Variants in COG3 observed in about 807,000 individuals in gnomAD.
The protein encoded by COG3 is component of oligomeric golgi complex 3.
Under a neutral mutation model 114.1 loss-of-function variants are expected in COG3, and 32 were observed. That is an observed-to-expected ratio of 0.28 (90% CI 0.21 to 0.38). The LOEUF is 0.38. COG3 is among the 10% of genes least tolerant of loss of function. COG3 has a pLI of 1.00. For synonymous variants in COG3, 352 were observed against 365.7 expected, an observed-to-expected ratio of 0.96 and a Z score of 0.43; for missense variants, 813 against 973.2, an observed-to-expected ratio of 0.84 and a Z score of 2.19.
chr13:45,509,124 C>A (rs1218303218), intron 14 of COG3, among the ~76,000 whole-genome samples: 2 of 151,724 alleles, frequency 1.3e-5, no homozygotes, highest in Non-Finnish European at 2.9e-5. Flanking sequence ...ACTGTAACCT[C>A]CGGCTCCCAG....
chr13:45,464,991 G>T lies in COG3; in HGVS notation c.-46G>T, dbSNP rs1885036950. 6.5e-7 allele frequency: 1 copy of T among 1,535,302 alleles called. No homozygotes were observed. The highest frequency in any genetic ancestry group is 1.4e-5 in the African/African-American group (1 of 72,780). The stretch of plus-strand genomic sequence containing the variant: ...GAAGTGGCCCAGGTCTCTCTGTCGG[G>T]GTCCCCTCCATCTCGCTGCTGCTGA... On this transcript the variant is annotated 5_prime_UTR_variant, in exon 1 of 23. Coordinates refer to ENST00000349995, the MANE Select transcript of COG3 (RefSeq NM_031431.4).
intron 1 of COG3, among the ~76,000 whole-genome samples, chr13:45,472,272 G>C (rs1885565730): frequency 1.3e-5 from 2 of 152,038 alleles, no homozygotes; most frequent in South Asian, 4.1e-4. Context: ...GTTTTTGAAA[G>C]TTTGAATATG....
Position 45,534,753 on chromosome 13 carries a change from C to A in COG3, c.*22C>A. ...ATAAGCAGGCCAGCCGGGCTGTGCA[C>A]CTAAATGTCTGTCTGGGAGGAGCAG... On this transcript the variant is annotated 3_prime_UTR_variant, in exon 23 of 23. Transcript: ENST00000349995. The A allele has an allele frequency of 6.4e-7, 1 of 1,551,826 alleles. No individual in the cohort carries two copies. Among genetic ancestry groups the A allele is most frequent in the Non-Finnish European group, 8.7e-7 (1 of 1,147,920 alleles).
chr13:45,532,549 A>T (rs1593760910), intron 22 of COG3, among the ~76,000 whole-genome samples: 2 of 116,318 alleles, frequency 1.7e-5, no homozygotes, highest in Admixed American at 8.2e-5. Context: ...TTATTGGGTT[A>T]TCCTTCCATT....
chr13:45,518,240 A>G (rs574802427), intron 17 of COG3, among the ~76,000 whole-genome samples: 6 of 152,322 alleles, frequency 3.9e-5, no homozygotes, highest in Admixed American at 3.9e-4. Flanking sequence ...CAAGACTAAC[A>G]TTATATTGTA....
intron 19 of COG3, among the ~76,000 whole-genome samples, chr13:45,521,287 T>C (rs1370732691): frequency 1.3e-5 from 2 of 152,226 alleles, no homozygotes; most frequent in Non-Finnish European, 2.9e-5. Flanking sequence ...ATGGACCTGT[T>C]TTTATATTCC....
chr13:45,466,376 A>C (rs1885142117), intron 1 of COG3: 1 of 152,154 alleles, frequency 6.6e-6, no homozygotes, highest in Non-Finnish European at 1.5e-5. Context: ...ATTGTGTCCA[A>C]ATGCAGATTG....
Position 45,465,119 on chromosome 13 carries a change from G to A in COG3, c.83G>A (p.Arg28Lys), listed in dbSNP as rs1054413377. The A allele has an allele frequency of 4.3e-6, 7 of 1,613,116 alleles. No homozygotes were observed. In the African/African-American group the frequency reaches 5.3e-5, roughly 12 times the overall value. Residue 28 changes from arginine (R) to lysine (K), a missense_variant, in exon 1 of 23, where the codon AGA becomes AAA. Physicochemically the swap from Arg to Lys is conservative, Grantham distance 26. This residue lies in a region of COG3 where 424 missense variants were observed against 430.6 expected (regional missense o/e 0.98). Transcript: ENST00000349995. ...AREKLALWDR[R>K]PDTTAPLTDR... ...GAAAAGCTGGCTCTCTGGGATCGGA[G>A]ACCGGACACGACGGCGCCGCTGACC...
At chr13:45,527,786 T>A (rs889446446) in intron 20 of COG3, among the ~76,000 whole-genome samples, 1 of 152,208 alleles carries the variant, frequency 6.6e-6, no homozygotes, top group African/African-American at 2.4e-5. Flanking sequence ...TGAGGTGTGT[T>A]AGTAATGATA....
At chr13:45,479,113 CA>C (rs1886091515) in intron 3 of COG3, 47 bp downstream of exon 3, 1 of 1,328,144 alleles carries the variant, frequency 7.5e-7, no homozygotes, top group East Asian at 2.3e-5. Context: ...TTTTAGATCA[CA>C]GTCATCTGAA....
intron 7 of COG3, 65 bp downstream of exon 7, chr13:45,483,420 A>G (rs1196293224): frequency 2.2e-6 from 3 of 1,358,290 alleles, no homozygotes; most frequent in East Asian, 2.6e-5. Flanking sequence ...TTCATCTTCC[A>G]TAATCTTTGG....
chr13:45,525,112 A>G, intron 20 of COG3, 61 bp downstream of exon 20: 1 of 1,354,410 alleles, frequency 7.4e-7, no homozygotes, highest in South Asian at 1.2e-5. Context: ...GCATTTATAT[A>G]GTCCTTACTG....
In COG3 at chr13:45,514,157, C is replaced by CTTTTTTT. The variant is rs57033822; in HGVS notation, c.1810-1971_1810-1965dup. 7.6e-4 allele frequency among the ~76,000 whole-genome samples: 71 copies of CTTTTTTT among 93,844 alleles called. 5 individuals carry two copies. The highest frequency in any genetic ancestry group is 1.0e-3 in the East Asian group (3 of 2,926). The allele number at this position is 93,844 out of a possible 152,430, so 61.6% of individuals were successfully genotyped here. Reference sequence around the variant, plus strand: ...GTCCTCTTGTACCACTGTCCTCTCTCTTTTTTTTTTTTTTTTTTTTTGAGA... The same window carrying CTTTTTTT: ...GTCCTCTTGTACCACTGTCCTCTCTCTTTTTTTTTTTTTTTTTTTTTTTTTTTTGAGA... On this transcript the variant is annotated intron_variant, in intron 16 of 22. Transcript: ENST00000349995.
At chr13:45,506,053 C>T (rs575308257) in intron 14 of COG3, among the ~76,000 whole-genome samples, 5 of 126,134 alleles carry the variant, frequency 4.0e-5, no homozygotes, top group South Asian at 3.0e-4. Context: ...CATGCCATCA[C>T]GCCTAGCTAA....
chr13:45,498,792 T>A (rs1359082116), intron 13 of COG3, among the ~76,000 whole-genome samples: 1 of 145,662 alleles, frequency 6.9e-6, no homozygotes, highest in African/African-American at 2.8e-5. Flanking sequence ...TCTTTTTTTT[T>A]TTTTTTCAAA....
chr13:45,533,973 C>G (rs1031309093), intron 22 of COG3, among the ~76,000 whole-genome samples: 1 of 152,216 alleles, frequency 6.6e-6, no homozygotes, highest in African/African-American at 2.4e-5. Context: ...GGTTCACAGC[C>G]AGGTCCATTT....
chr13:45,487,821 A>G (rs1886763227), intron 8 of COG3, among the ~76,000 whole-genome samples: 1 of 152,210 alleles, frequency 6.6e-6, no homozygotes, highest in African/African-American at 2.4e-5. Flanking sequence ...GGAAAACAGT[A>G]TGGAGATTTC....
At chr13:45,519,819 G>A (rs1222220638) in intron 19 of COG3, among the ~76,000 whole-genome samples, 1 of 152,174 alleles carries the variant, frequency 6.6e-6, no homozygotes, top group Non-Finnish European at 1.5e-5. Context: ...TATATGTGTG[G>A]ATAGTATATT....
chr13:45,517,570 T>TTTTTTTTTTTTTTTTTTTTTTTTTGAG (rs1566268532), intron 17 of COG3, among the ~76,000 whole-genome samples: 1 of 152,210 alleles, frequency 6.6e-6, no homozygotes, highest in African/African-American at 2.4e-5. Context: ...GTTTGGTTTT[T>TTTTTTTTTTTTTTTTTTTTTTTTTGAG]AAATAGGAGC....
Sources: allele counts gnomAD v4.1 joint callset (sites outside exome capture counted in the v4.1 genomes callset), GRCh38; gene constraint gnomAD v4.1.1; regional missense constraint gnomAD v4.1.1; transcripts MANE v1.5; gene names NCBI Gene and HGNC (gene_info 2026-07-23, HGNC 2026-07-21).